Variants in NEDD9 observed in about 807,000 individuals in gnomAD.
NEDD9 encodes the protein neural precursor cell expressed, developmentally down-regulated 9.
NEDD9 carries 26 observed loss-of-function variants against 76.6 expected under a neutral mutation model. That is an observed-to-expected ratio of 0.34 (90% CI 0.25 to 0.47). The LOEUF is 0.47. Among genes scored for constraint, NEDD9 ranks in the 20% least tolerant of loss-of-function variants. The probability of loss-of-function intolerance (pLI) is 1.00; values close to 1 mark genes in which losing one functional copy is unlikely to be tolerated. For synonymous variants in NEDD9, 392 were observed against 414.2 expected (o/e 0.95, Z 0.65); for missense variants, 937 against 1,058.5 (o/e 0.89, Z 1.59).
chr6:11,307,638 A>G (rs1761228432), intron 2 of NEDD9, among the ~76,000 whole-genome samples: 1 of 152,142 alleles, frequency 6.6e-6, no homozygotes, highest in Admixed American at 6.5e-5. Context: ...GAAATTATAT[A>G]TATATATATA....
At chr6:11,191,353 T>G in intron 4 of NEDD9, 148 bp from the exon 5 acceptor site, 1 of 821,094 alleles carries the variant, frequency 1.2e-6, no homozygotes, top group Non-Finnish European at 1.8e-6. Flanking sequence ...CCCGTTATTC[T>G]GCTGTCACTT....
chr6:11,213,588 C>CTT lies in NEDD9; in HGVS notation c.151_152insAA (p.Arg51GlnfsTer11), dbSNP rs1394590221. On this transcript the variant is annotated frameshift_variant, in exon 2 of 7. Transcript: ENST00000379446. LOFTEE classifies it high-confidence loss of function. This position sits in a 1 kb window ranked among gnomAD's most constrained non-coding sequence, Gnocchi z 5.4. ...CCGGTTGCCTGGGACAATGCCTTGC[C>CTT]GACCGTGTAATGAGCACAGCCACCA... 1 of 1,613,998 alleles carries CTT rather than the reference C, an allele frequency of 6.2e-7. No individual in the cohort carries two copies. Among genetic ancestry groups the CTT allele is most frequent in the Non-Finnish European group, 8.5e-7 (1 of 1,180,040 alleles).
chr6:11,358,370 G>A (rs773684798), intron 1 of NEDD9, among the ~76,000 whole-genome samples: 7 of 151,426 alleles, frequency 4.6e-5, no homozygotes, highest in Middle Eastern at 3.4e-3. Context: ...AGTGCAGAAC[G>A]CTCCTCCAGT....
At position 11,185,632 on chromosome 6, in the gene NEDD9, G is replaced by A; in HGVS notation, c.2035C>T (p.Pro679Ser). ...FQLLEQEITK[P>S]VENDISKWKP... is the part of the protein sequence containing the mutation. The stretch of plus-strand genomic sequence containing the variant: ...CACTTCGAGATGTCATTCTCCACGG[G>A]CTTTGTAATCTCTTGTTCCAACAGC... The change falls in exon 7 of 7, where the codon CCC (proline) becomes TCC (serine). Residue 679 changes from proline to serine, a missense_variant. Transcript: ENST00000379446. 6.2e-7 allele frequency: 1 copy of A among 1,614,222 alleles called. No individual in the cohort carries two copies. Among genetic ancestry groups the A allele is most frequent in the South Asian group, 1.1e-5 (1 of 91,086 alleles).
chr6:11,187,362 T>A (rs1758004870), intron 6 of NEDD9, among the ~76,000 whole-genome samples: 1 of 152,208 alleles, frequency 6.6e-6, no homozygotes, highest in African/African-American at 2.4e-5. Context: ...TAGTCGTCAT[T>A]ATCTCCCCTA....
rs189021616 is a variant in NEDD9 at position 11,375,149 on chromosome 6, T to G, written c.-214+6990A>C. 2.6e-5 allele frequency among the ~76,000 whole-genome samples: 4 copies of G among 152,332 alleles called. No individual in the cohort carries two copies. The East Asian group carries it at 7.7e-4, about 29-fold the overall frequency. ...TTGTCAATGACTTAGCACTGCCAAC[T>G]GATAGAAATGATAGACTGTCATACA... On this transcript the variant is annotated intron_variant, in intron 1 of 3. Transcript: ENST00000397378.
intron 3 of NEDD9, among the ~76,000 whole-genome samples, chr6:11,275,262 G>A (rs527525341): frequency 7.2e-5 from 11 of 152,292 alleles, no homozygotes; most frequent in African/African-American, 2.2e-4. Flanking sequence ...AGGAGGTACA[G>A]GGATTGAGGA....
intron 2 of NEDD9, chr6:11,201,038 C>G: frequency 6.2e-7 from 1 of 1,614,266 alleles, no homozygotes; most frequent in East Asian, 2.2e-5. Context: ...GCCCATCTCT[C>G]TGGAACACCT....
chr6:11,319,573 T>C (rs9380202), intron 2 of NEDD9, among the ~76,000 whole-genome samples: 82,609 of 145,410 alleles, frequency 0.57, 23,374 homozygotes, highest in East Asian at 0.75. Flanking sequence ...CACACACTAA[T>C]ATGCACTCAC....
At position 11,204,232 on chromosome 6, in the gene NEDD9, G is replaced by A. The variant is rs945622740; in HGVS notation, c.459+9049C>T. 1.4e-3 allele frequency among the ~76,000 whole-genome samples: 218 copies of A among 152,198 alleles called. 3 individuals are homozygous for A. The highest frequency in any genetic ancestry group is 2.1e-4 in the Non-Finnish European group (14 of 68,040). On this transcript the variant is annotated intron_variant, in intron 2 of 6. Coordinates refer to ENST00000379446, the MANE Select transcript of NEDD9 (RefSeq NM_006403.4). ...CGGTATACGTTTCTCAATGCCCTGC[G>A]GCCTACGCTAGCAATACATGTTAGA...
At chr6:11,299,719 AG>A (rs902011906) in intron 3 of NEDD9, among the ~76,000 whole-genome samples, 1 of 152,210 alleles carries the variant, frequency 6.6e-6, no homozygotes, top group African/African-American at 2.4e-5. Context: ...CCAGGCAAAC[AG>A]GGTCTGGATT....
At chr6:11,303,792 C>T (rs187152378) in intron 3 of NEDD9, among the ~76,000 whole-genome samples, 74 of 152,176 alleles carry the variant, frequency 4.9e-4, no homozygotes, top group African/African-American at 1.8e-3. Flanking sequence ...TTCTTTACAC[C>T]GTATATAAAA....
chr6:11,328,540 G>A (rs1761974261), intron 2 of NEDD9: 1 of 152,182 alleles, frequency 6.6e-6, no homozygotes, highest in African/African-American at 2.4e-5. Flanking sequence ...TTAAGTGTTG[G>A]GTGTAGGGAT....
At chr6:11,211,849 G>T (rs1461453533) in intron 2 of NEDD9, among the ~76,000 whole-genome samples, 1 of 152,142 alleles carries the variant, frequency 6.6e-6, no homozygotes, top group African/African-American at 2.4e-5. Context: ...GTGCTTTGTT[G>T]TTTAAAGGAA....
intron 1 of NEDD9, among the ~76,000 whole-genome samples, chr6:11,219,319 T>C (rs1005510669): frequency 5.3e-5 from 8 of 152,234 alleles, no homozygotes; most frequent in African/African-American, 9.6e-5. Context: ...TGACCACTCA[T>C]GCGGTCGTTT....
At chr6:11,200,471 GGACAA>G (rs1287900012) in intron 2 of NEDD9, 129 of 1,015,020 alleles carry the variant, frequency 1.3e-4, no homozygotes, top group Non-Finnish European at 1.5e-4. Context: ...GGAATTCAGG[GGACAA>G]GACAACAGGA....
At chr6:11,341,317 G>C (rs1167494338) in intron 1 of NEDD9, among the ~76,000 whole-genome samples, 1 of 152,208 alleles carries the variant, frequency 6.6e-6, no homozygotes, top group East Asian at 1.9e-4. Context: ...ACTTGAGTTT[G>C]AGCAGAGCAC....
intron 1 of NEDD9, among the ~76,000 whole-genome samples, chr6:11,215,104 G>A (rs1013309766): frequency 3.3e-5 from 5 of 152,164 alleles, no homozygotes; most frequent in African/African-American, 1.2e-4. Context: ...CGCTCTGGAG[G>A]GCTGTGCAAT....
At chr6:11,288,496 C>T (rs1760696356) in intron 3 of NEDD9, among the ~76,000 whole-genome samples, 1 of 152,206 alleles carries the variant, frequency 6.6e-6, no homozygotes, top group African/African-American at 2.4e-5. Flanking sequence ...CTTAATGGAT[C>T]TTAGAATGCT....
Sources: gnomAD v4.1 joint callset for allele counts (sites outside exome capture counted in the v4.1 genomes callset) on GRCh38, gnomAD v4.1.1 for gene constraint, Gnocchi (gnomAD v3.1) non-coding constraint, MANE v1.5 for transcripts, NCBI Gene and HGNC (gene_info 2026-07-23, HGNC 2026-07-21) for gene names.